SGSM3: variants seen among roughly 807,000 people sequenced by gnomAD.
SGSM3 encodes the protein RUN and SH3 containing 3.
SGSM3 carries 96 observed loss-of-function variants against 100.5 expected under a neutral mutation model. The observed-to-expected ratio is 0.96, with a 90% CI of 0.81 to 1.13. The LOEUF (loss-of-function observed/expected upper bound fraction) is 1.13. Among genes scored for constraint, SGSM3 ranks in the 50% most tolerant of loss-of-function variants. SGSM3 has a pLI of 0.00. For synonymous variants in SGSM3, 483 were observed against 422.8 expected (o/e 1.14, Z -1.75); for missense variants, 1,001 against 1,015.8 (o/e 0.99, Z 0.20).
chr22:40,404,206 A>C, intron 4 of SGSM3, 41 bp from the exon 5 acceptor site: 6 of 1,479,234 alleles, frequency 4.1e-6, no homozygotes, highest in Non-Finnish European at 5.4e-6. Context: ...AACACGTAGT[A>C]GAGAATGCTT....
intron 1 of SGSM3, among the ~76,000 whole-genome samples, chr22:40,393,320 G>A (rs376956719): frequency 3.9e-5 from 6 of 152,206 alleles, no homozygotes; most frequent in African/African-American, 1.2e-4. Flanking sequence ...GTTTCACCAC[G>A]TTGGCCAGGC....
chr22:40,389,235 A>G (rs923334134), intron 1 of SGSM3, among the ~76,000 whole-genome samples: 9 of 152,216 alleles, frequency 5.9e-5, no homozygotes, highest in Admixed American at 5.2e-4. Context: ...ATAGACACCC[A>G]GAGAGACTGT....
chr22:40,380,287 A>G (rs1034556330), intron 1 of SGSM3, among the ~76,000 whole-genome samples: 1 of 152,152 alleles, frequency 6.6e-6, no homozygotes, highest in African/African-American at 2.4e-5. Context: ...AATAATCAGT[A>G]AACATTCTGG....
chr22:40,406,660 C>T lies in SGSM3; in HGVS notation c.1183C>T (p.Gln395Ter). 6.2e-7 allele frequency: 1 copy of T among 1,606,056 alleles called. No individual in the cohort carries two copies. The highest frequency in any genetic ancestry group is 8.5e-7 in the Non-Finnish European group (1 of 1,175,064). The stretch of plus-strand genomic sequence containing the variant: ...GGCCGGCACCCTCACCAACCTCTCT[C>T]AGGTGGCCCAGGATGGGGGGCCGCA... ...LGAGTLTNLS[Q>*]VVRRRTQRRK... Residue 395 changes from glutamine (Q) to a stop codon, truncating the protein, a stop_gained and splice_region_variant, in exon 10 of 22, where the codon CAG becomes TAG. Transcript: ENST00000248929. LOFTEE classifies it high-confidence loss of function.
At chr22:40,386,034 T>G (rs2048377360) in intron 1 of SGSM3, among the ~76,000 whole-genome samples, 1 of 151,462 alleles carries the variant, frequency 6.6e-6, no homozygotes, top group South Asian at 2.1e-4. Flanking sequence ...TGTTTTTTTT[T>G]TTGTTTTTTT....
rs1476483964 is a variant in SGSM3 at position 40,399,234 on chromosome 22, C to T, written c.-111-1462C>T. ...CTCCTGGCCTCAAGTGATCCGCCCA[C>T]CTCAGCCTCCCAAAGTGCTGGGATT... is the stretch of plus-strand genomic sequence containing the variant. On this transcript the variant is annotated intron_variant, in intron 1 of 21. Transcript: ENST00000248929. Among the ~76,000 whole-genome samples the T allele has an allele frequency of 2.7e-5, 4 of 149,002 alleles. 1 individual carries two copies. The East Asian group carries it at 8.0e-4, about 30-fold the overall frequency.
chr22:40,377,427 A>G (rs1027892268), intron 1 of SGSM3, among the ~76,000 whole-genome samples: 1 of 152,236 alleles, frequency 6.6e-6, no homozygotes, highest in Non-Finnish European at 1.5e-5. Context: ...ATGTCCTACT[A>G]CATATCCTTC....
chr22:40,405,429 C>G, intron 7 of SGSM3, 145 bp downstream of exon 7: 1 of 929,912 alleles, frequency 1.1e-6, no homozygotes, highest in Non-Finnish European at 1.6e-6. Context: ...CCGGGGCGTC[C>G]CCAAGGAGAT....
intron 4 of SGSM3, chr22:40,404,005 G>A (rs767185687): frequency 6.1e-5 from 23 of 379,874 alleles, no homozygotes; most frequent in Non-Finnish European, 7.5e-5. Context: ...TTCTGGATCC[G>A]GGTAGTACTA....
chr22:40,405,872 C>T (rs1241723089), intron 8 of SGSM3, 28 bp downstream of exon 8: 1 of 1,591,968 alleles, frequency 6.3e-7, no homozygotes, highest in South Asian at 1.1e-5. Context: ...CACTGGCTCC[C>T]ATTCTGCAGC....
chr22:40,394,016 T>C (rs1353273142), intron 1 of SGSM3, among the ~76,000 whole-genome samples: 1 of 152,070 alleles, frequency 6.6e-6, no homozygotes, highest in Non-Finnish European at 1.5e-5. Context: ...CATTGGCCAG[T>C]TCCCAAATTT....
chr22:40,402,090 C>A, intron 3 of SGSM3, 49 bp from the exon 4 acceptor site: 2 of 1,392,994 alleles, frequency 1.4e-6, no homozygotes, highest in Admixed American at 1.7e-5. Flanking sequence ...AGACCTGAGG[C>A]CCCCAACTAG....
rs936360512 is a variant in SGSM3 at position 40,406,602 on chromosome 22, C to T, written c.1125C>T (p.Ala375=). ...AVETQRRKHL[A]YLIADQGQLL... ...AGACTCAGCGCCGCAAGCACCTGGC[C>T]TATCTCATTGCAGACCAGGGCCAGC... Residue 375 remains alanine, a synonymous_variant, in exon 10 of 22, where the codon GCC becomes GCT. Coordinates refer to ENST00000248929, the MANE Select transcript of SGSM3 (RefSeq NM_015705.6). The T allele has an allele frequency of 6.2e-7, 1 of 1,612,342 alleles. No homozygotes were observed. Among genetic ancestry groups the T allele is most frequent in the Non-Finnish European group, 8.5e-7 (1 of 1,179,380 alleles).
Position 40,409,308 on chromosome 22 carries a change from A to G in SGSM3, c.2047A>G (p.Lys683Glu), listed in dbSNP as rs1358546861. 2 of 1,612,938 alleles carry G rather than the reference A, an allele frequency of 1.2e-6. No individual in the cohort carries two copies. Among genetic ancestry groups the G allele is most frequent in the African/African-American group, 2.7e-5 (2 of 74,874 alleles). Residue 683 changes from lysine to glutamate, a missense_variant, in exon 20 of 22, where the codon AAG (lysine) becomes GAG (glutamate). Lys to Glu is a moderately conservative substitution (Grantham distance 56). Coordinates refer to ENST00000248929, the MANE Select transcript of SGSM3 (RefSeq NM_015705.6). ...VLCSSLPTVE[K>E]WYQPWSFLRS... ...CTGCTCCAGCCTGCCCACCGTGGAGAAGTGGTACCAGCCCTGGTCCTTCCT... is the reference window on the plus strand; with the variant it reads ...CTGCTCCAGCCTGCCCACCGTGGAGGAGTGGTACCAGCCCTGGTCCTTCCT...
At chr22:40,402,036 G>A (rs916450662) in intron 3 of SGSM3, 103 bp from the exon 4 acceptor site, 1 of 872,416 alleles carries the variant, frequency 1.1e-6, no homozygotes, top group African/African-American at 1.6e-5. Flanking sequence ...GAGCCCGAAG[G>A]CTGGGTGGGA....
intron 1 of SGSM3, among the ~76,000 whole-genome samples, chr22:40,393,485 CCTT>C (rs1569175417): frequency 1.3e-5 from 2 of 152,194 alleles, no homozygotes; most frequent in Admixed American, 1.3e-4. Context: ...TTCTTCTGTT[CCTT>C]CTTCAACCCA....
At position 40,408,622 on chromosome 22, in the gene SGSM3, C is replaced by A. The variant is rs771012103; in HGVS notation, c.1783-5C>A. 1.9e-6 allele frequency: 3 copies of A among 1,613,796 alleles called. No individual in the cohort carries two copies. The highest frequency in any genetic ancestry group is 2.5e-6 in the Non-Finnish European group (3 of 1,179,960). On this transcript the variant is annotated splice_polypyrimidine_tract_variant and splice_region_variant and intron_variant, in intron 16 of 21. Transcript: ENST00000248929. Reference sequence around the variant, plus strand: ...CTGCACTCACACCGTGTGCTGTCCCCACAGGCTGCAGGCCGGGAGGTCGAG... The same window carrying A: ...CTGCACTCACACCGTGTGCTGTCCCAACAGGCTGCAGGCCGGGAGGTCGAG...
intron 1 of SGSM3, among the ~76,000 whole-genome samples, chr22:40,392,309 T>G (rs2049460714): frequency 6.6e-6 from 1 of 152,014 alleles, no homozygotes; most frequent in South Asian, 2.1e-4. Flanking sequence ...CAGGCTTTTT[T>G]TTTTTTTCAG....
intron 1 of SGSM3, among the ~76,000 whole-genome samples, chr22:40,397,180 A>T (rs2050155908): frequency 6.6e-6 from 1 of 152,182 alleles, no homozygotes; most frequent in Non-Finnish European, 1.5e-5. Flanking sequence ...CTTTATAGCC[A>T]GTGGGAGAAG....
Sources: allele counts gnomAD v4.1 joint callset (sites outside exome capture counted in the v4.1 genomes callset), GRCh38; gene constraint gnomAD v4.1.1; transcripts MANE v1.5; gene names NCBI Gene and HGNC (gene_info 2026-07-23, HGNC 2026-07-21).